GALNT13: variants seen among roughly 807,000 people sequenced by gnomAD.
GALNT13 encodes the protein UDP-GalNAc:polypeptide N-acetylgalactosaminyltransferase 13.
A neutral mutation model predicts 64.2 loss-of-function variants in GALNT13; 28 were observed. The observed-to-expected ratio is 0.44, with a 90% CI of 0.32 to 0.60. The LOEUF is 0.60. Among genes scored for constraint, GALNT13 ranks in the 20% least tolerant of loss-of-function variants. GALNT13 has a pLI of 0.05. For synonymous variants in GALNT13, 214 were observed against 224.6 expected (o/e 0.95, Z 0.42); for missense variants, 577 against 669.8 (o/e 0.86, Z 1.53).
intron 3 of GALNT13, among the ~76,000 whole-genome samples, chr2:154,057,745 A>C (rs945954965): frequency 3.3e-5 from 5 of 152,192 alleles, no homozygotes; most frequent in Non-Finnish European, 5.9e-5. Context: ...ACTAAGATTT[A>C]CTCAGCAATT....
At chr2:153,570,605 C>A in the GALNT13 span, among the ~76,000 whole-genome samples, 1 of 152,086 alleles carries the variant, frequency 6.6e-6, no homozygotes, top group Admixed American at 6.5e-5. Context: ...TAAATTTAAG[C>A]CTTCAATCCA....
the GALNT13 span, among the ~76,000 whole-genome samples, chr2:153,842,520 A>G: frequency 6.6e-6 from 1 of 152,166 alleles, no homozygotes; most frequent in Non-Finnish European, 1.5e-5. Context: ...AACAACTTCA[A>G]ACCAACTCAG....
chr2:153,222,327 T>TGGG, the GALNT13 span, among the ~76,000 whole-genome samples: 8 of 95,582 alleles, frequency 8.4e-5, no homozygotes, highest in Admixed American at 2.5e-4. Flanking sequence ...GGGGGGGGGG[T>TGGG]GGGGTGGGGG....
chr2:153,530,083 T>C, the GALNT13 span, among the ~76,000 whole-genome samples: 1 of 152,048 alleles, frequency 6.6e-6, no homozygotes, highest in Non-Finnish European at 1.5e-5. Context: ...TAAAGTGCAT[T>C]CATATTGGGA....
the GALNT13 span, among the ~76,000 whole-genome samples, chr2:153,256,792 G>A: frequency 7.9e-5 from 12 of 152,324 alleles, no homozygotes; most frequent in African/African-American, 2.9e-4. Context: ...ACCCCCTTGA[G>A]GAGGCAGTCT....
At chr2:153,106,019 G>A in the GALNT13 span, among the ~76,000 whole-genome samples, 404 of 152,198 alleles carry the variant, frequency 2.7e-3, 1 homozygote, top group African/African-American at 8.9e-3. Flanking sequence ...CATGACATTT[G>A]TTCAGAGGGC....
At chr2:153,538,196 T>C in the GALNT13 span, among the ~76,000 whole-genome samples, 1 of 152,112 alleles carries the variant, frequency 6.6e-6, no homozygotes, top group Non-Finnish European at 1.5e-5. Context: ...TAAAGGTGAC[T>C]CTTGCTATGC....
intron 4 of GALNT13, among the ~76,000 whole-genome samples, chr2:154,175,422 T>C (rs1685591794): frequency 6.6e-6 from 1 of 152,202 alleles, no homozygotes; most frequent in African/African-American, 2.4e-5. Flanking sequence ...TTCTACTGTC[T>C]GAATAACCAC....
chr2:153,619,649 A>G, the GALNT13 span, among the ~76,000 whole-genome samples: 80,701 of 151,934 alleles, frequency 0.53, 23,852 homozygotes, highest in African/African-American at 0.81. Flanking sequence ...GAAACCCTTC[A>G]GCTTTTGTTT....
At chr2:153,284,849 A>G in the GALNT13 span, among the ~76,000 whole-genome samples, 1 of 152,104 alleles carries the variant, frequency 6.6e-6, no homozygotes, top group East Asian at 1.9e-4. Flanking sequence ...AGGCATACTA[A>G]AAGCTCCTAA....
the GALNT13 span, among the ~76,000 whole-genome samples, chr2:153,616,957 C>T: frequency 1.6e-4 from 25 of 152,014 alleles, no homozygotes; most frequent in African/African-American, 6.0e-4. Context: ...AAGCAAATAT[C>T]ATTACAGCTA....
At chr2:153,491,687 C>A in the GALNT13 span, among the ~76,000 whole-genome samples, 2 of 151,946 alleles carry the variant, frequency 1.3e-5, no homozygotes, top group African/African-American at 4.8e-5. Context: ...GTGGCGTGAT[C>A]TTGGCTCACT....
intron 9 of GALNT13, among the ~76,000 whole-genome samples, chr2:154,320,123 G>T (rs567779733): frequency 6.6e-6 from 1 of 152,026 alleles, no homozygotes; most frequent in Non-Finnish European, 1.5e-5. Context: ...ATTTTTAAGG[G>T]TAGCTATTTA....
chr2:154,370,421 G>T (rs1003034792), intron 9 of GALNT13, among the ~76,000 whole-genome samples: 2 of 152,134 alleles, frequency 1.3e-5, no homozygotes. Flanking sequence ...CTACTTCACA[G>T]TCAAAAAATA....
At chr2:153,089,298 G>T in the GALNT13 span, among the ~76,000 whole-genome samples, 1 of 152,126 alleles carries the variant, frequency 6.6e-6, no homozygotes, top group Non-Finnish European at 1.5e-5. Flanking sequence ...CTAAAGATGG[G>T]ACCCCAGTCC....
At chr2:154,061,752 T>TA (rs397753847) in intron 3 of GALNT13, among the ~76,000 whole-genome samples, 4 of 151,652 alleles carry the variant, frequency 2.6e-5, no homozygotes, top group Non-Finnish European at 5.9e-5. Context: ...GGAATTTTTT[T>TA]ATTTCCATTT....
chr2:154,000,997 A>G (rs1193372872), intron 3 of GALNT13, among the ~76,000 whole-genome samples: 1 of 151,928 alleles, frequency 6.6e-6, no homozygotes, highest in Non-Finnish European at 1.5e-5. Context: ...CATGTTTACA[A>G]TTGCTATATT....
At chr2:153,739,623 TTA>T in the GALNT13 span, among the ~76,000 whole-genome samples, 1 of 69,366 alleles carries the variant, frequency 1.4e-5, no homozygotes, top group Non-Finnish European at 4.5e-5. Flanking sequence ...GAGATTTTAT[TTA>T]TTATTTTATT....
the GALNT13 span, among the ~76,000 whole-genome samples, chr2:153,090,039 C>G: frequency 1.3e-5 from 2 of 151,966 alleles, no homozygotes; most frequent in Admixed American, 1.3e-4. Context: ...AATTACTTTT[C>G]TGGTTCTTCT....
Sources: allele counts gnomAD v4.1 joint callset (sites outside exome capture counted in the v4.1 genomes callset), GRCh38; gene constraint gnomAD v4.1.1; transcripts MANE v1.5; gene names NCBI Gene and HGNC (gene_info 2026-07-23, HGNC 2026-07-21).